The following H1-2 variants were observed in gnomAD, a reference collection of about 807,000 sequenced individuals.
The protein encoded by H1-2 is H1.2 linker histone, cluster member.
A neutral mutation model predicts 7.2 loss-of-function variants in H1-2; 7 were observed. The observed-to-expected ratio is 0.97, with a 90% CI of 0.55 to 1.82. The LOEUF (loss-of-function observed/expected upper bound fraction) is 1.82, where lower values mean the gene tolerates loss of function less well. Among genes scored for constraint, H1-2 ranks in the 40% most tolerant of loss-of-function variants. H1-2 has a pLI of 0.00. For missense variants in H1-2, 703 were observed against 276.6 expected, an observed-to-expected ratio of 2.54 and a Z score of -10.94; for synonymous variants, 300 against 118.2, an observed-to-expected ratio of 2.54 and a Z score of -9.98.
rs534420299 is a variant in H1-2, at chr6:26,055,925, C to T, written c.504G>A (p.Lys168=). The part of the protein sequence containing the change: ...AKKPAAATVT[K]KVAKSPKKAK... ...CCTTCTTTGGGCTCTTAGCCACTTT[C>T]TTGGTTACAGTGGCCGCGGCCGGCT... is the stretch of plus-strand genomic sequence containing the variant. Residue 168 remains lysine, a synonymous_variant, in exon 1 of 1, where the codon AAG becomes AAA. Transcript: ENST00000343677. 2 of 1,614,154 alleles carry T rather than the reference C, an allele frequency of 1.2e-6. No individual in the cohort carries two copies. The highest frequency in any genetic ancestry group is 2.2e-5 in the East Asian group (1 of 44,876).
At position 26,056,348 on chromosome 6, in the gene H1-2, C is replaced by CT. The variant is rs1761927645; in HGVS notation, c.80dup (p.Ala28GlyfsTer7). On this transcript the variant is annotated frameshift_variant, in exon 1 of 1. Coordinates refer to ENST00000343677, the MANE Select transcript of H1-2 (RefSeq NM_005319.4). LOFTEE classifies it high-confidence loss of function. ...ACGCCTTACGAGGCGTACCCCCAGC[C>CT]TTTTTGGCCGCCTTCTTCTTTACAG... The CT allele has an allele frequency of 6.2e-7, 1 of 1,613,644 alleles. No homozygotes were observed. Among genetic ancestry groups the CT allele is most frequent in the Non-Finnish European group, 8.5e-7 (1 of 1,179,806 alleles).
chr6:26,056,330 A>G lies in H1-2; in HGVS notation c.99T>C (p.Arg33=). 1 of 1,614,040 alleles carries G rather than the reference A, an allele frequency of 6.2e-7. No homozygotes were observed. Among genetic ancestry groups the G allele is most frequent in the Non-Finnish European group, 8.5e-7 (1 of 1,179,900 alleles). Reference sequence around the variant, plus strand: ...CTGACACCGGGGGACCAGACGCCTTACGAGGCGTACCCCCAGCCTTTTTGG... The same window carrying G: ...CTGACACCGGGGGACCAGACGCCTTGCGAGGCGTACCCCCAGCCTTTTTGG... The part of the protein sequence containing the change: ...KAAKKAGGTP[R]KASGPPVSEL... Residue 33 remains arginine, a synonymous_variant, in exon 1 of 1, where the codon CGT becomes CGC. Transcript: ENST00000343677.
rs770255220 is a variant in H1-2 at position 26,056,095 on chromosome 6, C to A, written c.334G>T (p.Ala112Ser). Residue 112 changes from alanine (A) to serine (S), a missense_variant, in exon 1 of 1, where the codon GCC (alanine) becomes TCC (serine). Transcript: ENST00000343677. ...ACCTTGGGCTTGGCTTCCCCGGAGG[C>A]TGCCTTCTTGTTGAGTTTAAAGGAG... ...SGSFKLNKKA[A>S]SGEAKPKVKK... The A allele has an allele frequency of 1.9e-6, 3 of 1,614,102 alleles. No homozygotes were observed. Among genetic ancestry groups the A allele is most frequent in the African/African-American group, 1.3e-5 (1 of 74,940 alleles).
At position 26,055,812 on chromosome 6, in the gene H1-2, T is replaced by C. The variant is rs368119411; in HGVS notation, c.617A>G (p.Lys206Arg). The change falls in exon 1 of 1, where the codon AAG (lysine) becomes AGG (arginine). Residue 206 changes from lysine to arginine, a missense_variant. Physicochemically the swap from Lys to Arg is conservative, Grantham distance 26. Coordinates refer to ENST00000343677, the MANE Select transcript of H1-2 (RefSeq NM_005319.4). ...KAAKPKVVKP[K>R]KAAPKKK ...CTATTTCTTCTTGGGCGCCGCCTTC[T>C]TAGGCTTGACAACCTTGGGCTTAGC... 3.1e-6 allele frequency: 5 copies of C among 1,601,046 alleles called. No homozygotes were observed. The African/African-American group carries it at 6.8e-5, about 22-fold the overall frequency.
chr6:26,055,822 C>T lies in H1-2; in HGVS notation c.607G>A (p.Val203Ile), dbSNP rs764601216. 5 of 1,604,416 alleles carry T rather than the reference C, an allele frequency of 3.1e-6. No individual in the cohort carries two copies. Among genetic ancestry groups the T allele is most frequent in the Admixed American group, 1.7e-5 (1 of 57,206 alleles). Residue 203 changes from valine to isoleucine, a missense_variant, in exon 1 of 1, where the codon GTC becomes ATC. Transcript: ENST00000343677. Reference sequence around the variant, plus strand: ...TTGGGCGCCGCCTTCTTAGGCTTGACAACCTTGGGCTTAGCGGCCTTGGGC... The same window carrying T: ...TTGGGCGCCGCCTTCTTAGGCTTGATAACCTTGGGCTTAGCGGCCTTGGGC... ...VKPKAAKPKV[V>I]KPKKAAPKKK
At position 26,056,132 on chromosome 6, in the gene H1-2, G is replaced by A. The variant is rs370480066; in HGVS notation, c.297C>T (p.Thr99=). ...TGAGTTTAAAGGAGCCAGAAGCACC[G>A]GTGCCTTTCGTTTGCACCAGAGTGC... The part of the protein sequence containing the change: ...SKGTLVQTKG[T]GASGSFKLNK... The change falls in exon 1 of 1, where the codon ACC becomes ACT. Residue 99 remains threonine (T), a synonymous_variant. Coordinates refer to ENST00000343677, the MANE Select transcript of H1-2 (RefSeq NM_005319.4). 8.3e-5 allele frequency: 134 copies of A among 1,614,106 alleles called. No individual in the cohort carries two copies. The highest frequency in any genetic ancestry group is 3.3e-5 in the Admixed American group (2 of 60,008).
chr6:26,056,215 C>G lies in H1-2; in HGVS notation c.214G>C (p.Asp72His). Residue 72 changes from aspartate to histidine, a missense_variant, in exon 1 of 1, where the codon GAT becomes CAT. Coordinates refer to ENST00000343677, the MANE Select transcript of H1-2 (RefSeq NM_005319.4). ...LKKALAAAGY[D>H]VEKNNSRIKL... is the part of the protein sequence containing the mutation. ...ATACGGCTGTTGTTTTTCTCCACAT[C>G]ATAGCCGGCGGCAGCCAACGCTTTT... 1 of 1,614,248 alleles carries G rather than the reference C, an allele frequency of 6.2e-7. No individual in the cohort carries two copies. The highest frequency in any genetic ancestry group is 8.5e-7 in the Non-Finnish European group (1 of 1,180,040).
At position 26,056,371 on chromosome 6, in the gene H1-2, C is replaced by T. The variant is rs1484542952; in HGVS notation, c.58G>A (p.Val20Ile). ...AAAPPAEKAPVKKKAAKKAGG... is the reference protein window; with the variant it reads ...AAAPPAEKAPIKKKAAKKAGG... ...GCCTTTTTGGCCGCCTTCTTCTTTA[C>T]AGGGGCCTTCTCCGCAGGAGGCGCG... The change falls in exon 1 of 1, where the codon GTA (valine) becomes ATA (isoleucine). Residue 20 changes from valine to isoleucine, a missense_variant. By Grantham distance (29) the Val-to-Ile change is conservative (BLOSUM62 3). Coordinates refer to ENST00000343677, the MANE Select transcript of H1-2 (RefSeq NM_005319.4). The T allele has an allele frequency of 6.8e-6, 11 of 1,611,482 alleles. No individual in the cohort carries two copies. Among genetic ancestry groups the T allele is most frequent in the African/African-American group, 2.7e-5 (2 of 74,652 alleles).
Position 26,056,275 on chromosome 6 carries a change from T to G in H1-2, c.154A>C (p.Lys52Gln). The change falls in exon 1 of 1, where the codon AAA becomes CAA. Residue 52 changes from lysine to glutamine, a missense_variant. Coordinates refer to ENST00000343677, the MANE Select transcript of H1-2 (RefSeq NM_005319.4). ...ELITKAVAAS[K>Q]ERSGVSLAAL... ...GCCAGAGAAACTCCGCTACGCTCTTTAGAGGCGGCCACAGCCTTGGTGATG... is the reference window on the plus strand; with the variant it reads ...GCCAGAGAAACTCCGCTACGCTCTTGAGAGGCGGCCACAGCCTTGGTGATG... The G allele has an allele frequency of 6.2e-7, 1 of 1,614,250 alleles. No individual in the cohort carries two copies.
rs757844131 is a variant in H1-2, at chr6:26,055,933, C to T, written c.496G>A (p.Val166Ile). 120 of 1,614,028 alleles carry T rather than the reference C, an allele frequency of 7.4e-5. No individual in the cohort carries two copies. In the South Asian group the frequency reaches 1.2e-3, roughly 16 times the overall value. Residue 166 changes from valine to isoleucine, a missense_variant, in exon 1 of 1, where the codon GTA (valine) becomes ATA (isoleucine). By Grantham distance (29) the Val-to-Ile change is conservative. Coordinates refer to ENST00000343677, the MANE Select transcript of H1-2 (RefSeq NM_005319.4). ...KKAKKPAAAT[V>I]TKKVAKSPKK... ...GGGCTCTTAGCCACTTTCTTGGTTA[C>T]AGTGGCCGCGGCCGGCTTCTTCGCT... is the stretch of plus-strand genomic sequence containing the variant.
rs778226952 is a variant in H1-2 at position 26,056,201 on chromosome 6, G to A, written c.228C>T (p.Asn76=). 1.2e-5 allele frequency: 19 copies of A among 1,614,102 alleles called. No homozygotes were observed. In the South Asian group the frequency reaches 1.2e-4, roughly 10 times the overall value. ...LAAAGYDVEK[N]NSRIKLGLKS... Reference sequence around the variant, plus strand: ...TGAGACCAAGTTTGATACGGCTGTTGTTTTTCTCCACATCATAGCCGGCGG... The same window carrying A: ...TGAGACCAAGTTTGATACGGCTGTTATTTTTCTCCACATCATAGCCGGCGG... The change falls in exon 1 of 1, where the codon AAC becomes AAT. Residue 76 remains asparagine, a synonymous_variant. Transcript: ENST00000343677.
chr6:26,056,245 G>T lies in H1-2; in HGVS notation c.184C>A (p.Leu62Met), dbSNP rs753090932. 8 of 1,614,204 alleles carry T rather than the reference G, an allele frequency of 5.0e-6. No individual in the cohort carries two copies. Among genetic ancestry groups the T allele is most frequent in the Admixed American group, 1.7e-5 (1 of 60,022 alleles). ...CCGGCGGCAGCCAACGCTTTTTTCA[G>T]AGCAGCCAGAGAAACTCCGCTACGC... is the stretch of plus-strand genomic sequence containing the variant. ...KERSGVSLAA[L>M]KKALAAAGYD... Residue 62 changes from leucine to methionine, a missense_variant, in exon 1 of 1, where the codon CTG (leucine) becomes ATG (methionine). Transcript: ENST00000343677.
chr6:26,056,339 A>T lies in H1-2; in HGVS notation c.90T>A (p.Gly30=), dbSNP rs777897533. 1 of 1,613,686 alleles carries T rather than the reference A, an allele frequency of 6.2e-7. No homozygotes were observed. Among genetic ancestry groups the T allele is most frequent in the Non-Finnish European group, 8.5e-7 (1 of 1,179,792 alleles). The change falls in exon 1 of 1, where the codon GGT becomes GGA. Residue 30 remains glycine, a synonymous_variant. Coordinates refer to ENST00000343677, the MANE Select transcript of H1-2 (RefSeq NM_005319.4). The stretch of plus-strand genomic sequence containing the variant: ...GGGGACCAGACGCCTTACGAGGCGT[A>T]CCCCCAGCCTTTTTGGCCGCCTTCT... ...VKKKAAKKAG[G]TPRKASGPPV...
rs781177240 is a variant in H1-2, at chr6:26,055,843, T to TC, written c.585_586insG (p.Lys196GlufsTer4). 2 of 1,613,670 alleles carry TC rather than the reference T, an allele frequency of 1.2e-6. No homozygotes were observed. The highest frequency in any genetic ancestry group is 2.2e-5 in the South Asian group (2 of 91,010). On this transcript the variant is annotated frameshift_variant, in exon 1 of 1. Transcript: ENST00000343677. LOFTEE classifies it high-confidence loss of function. Reference sequence around the variant, plus strand: ...TTGACAACCTTGGGCTTAGCGGCCTTGGGCTTCACAGCCTTAGCAGCACTT... The same window carrying TC: ...TTGACAACCTTGGGCTTAGCGGCCTTCGGGCTTCACAGCCTTAGCAGCACTT...
chr6:26,055,927 T>G lies in H1-2; in HGVS notation c.502A>C (p.Lys168Gln). 6.2e-7 allele frequency: 1 copy of G among 1,614,154 alleles called. No homozygotes were observed. The highest frequency in any genetic ancestry group is 8.5e-7 in the Non-Finnish European group (1 of 1,180,034). ...AKKPAAATVT[K>Q]KVAKSPKKAK... ...TTCTTTGGGCTCTTAGCCACTTTCT[T>G]GGTTACAGTGGCCGCGGCCGGCTTC... Residue 168 changes from lysine to glutamine, a missense_variant, in exon 1 of 1, where the codon AAG (lysine) becomes CAG (glutamine). Lys to Gln is a moderately conservative substitution (Grantham distance 53). Transcript: ENST00000343677.
In H1-2 at chr6:26,056,172, C is replaced by G; in HGVS notation, c.257G>C (p.Ser86Thr). Residue 86 changes from serine (S) to threonine (T), a missense_variant, in exon 1 of 1, where the codon AGC (serine) becomes ACC (threonine). Ser to Thr is a moderately conservative substitution (Grantham distance 58). Transcript: ENST00000343677. ...CACCAGAGTGCCCTTGCTCACCAGG[C>G]TCTTGAGACCAAGTTTGATACGGCT... ...NNSRIKLGLK[S>T]LVSKGTLVQT... is the part of the protein sequence containing the mutation. The G allele has an allele frequency of 2.5e-6, 4 of 1,614,246 alleles. No individual in the cohort carries two copies. Among genetic ancestry groups the G allele is most frequent in the African/African-American group, 2.7e-5 (2 of 75,072 alleles).
rs765747224 is a variant in H1-2, at chr6:26,056,069, A to G, written c.360T>C (p.Val120=). 1 of 1,614,012 alleles carries G rather than the reference A, an allele frequency of 6.2e-7. No individual in the cohort carries two copies. The highest frequency in any genetic ancestry group is 1.1e-5 in the South Asian group (1 of 91,070). ...TAGGTTTGGTTCCGCCCGCCTTTTT[A>G]ACCTTGGGCTTGGCTTCCCCGGAGG... ...KAASGEAKPK[V]KKAGGTKPKK... is the part of the protein sequence containing the mutation. Residue 120 remains valine, a synonymous_variant, in exon 1 of 1, where the codon GTT becomes GTC. Transcript: ENST00000343677.
Position 26,056,319 on chromosome 6 carries a change from C to G in H1-2, c.110G>C (p.Gly37Ala), listed in dbSNP as rs749161844. 7 of 1,614,086 alleles carry G rather than the reference C, an allele frequency of 4.3e-6. No homozygotes were observed. Among genetic ancestry groups the G allele is most frequent in the South Asian group, 1.1e-5 (1 of 91,086 alleles). The change falls in exon 1 of 1, where the codon GGT becomes GCT. Residue 37 changes from glycine (G) to alanine (A), a missense_variant. Gly to Ala is a moderately conservative substitution (Grantham distance 60). Coordinates refer to ENST00000343677, the MANE Select transcript of H1-2 (RefSeq NM_005319.4). ...KAGGTPRKAS[G>A]PPVSELITKA... ...GGTGATGAGCTCTGACACCGGGGGA[C>G]CAGACGCCTTACGAGGCGTACCCCC...
chr6:26,055,772 G>C lies in H1-2; in HGVS notation c.*15C>G, dbSNP rs538455060. On this transcript the variant is annotated 3_prime_UTR_variant, in exon 1 of 1. Transcript: ENST00000343677. ...TCTGAAAAGAGCCTTTTGGGTTTTA[G>C]AAGTAGGCGTTCGCCTATTTCTTCT... is the stretch of plus-strand genomic sequence containing the variant. 7.0e-6 allele frequency: 11 copies of C among 1,580,718 alleles called. No homozygotes were observed. The highest frequency in any genetic ancestry group is 1.2e-5 in the South Asian group (1 of 85,728).
Sources: gnomAD v4.1 joint callset for allele counts on GRCh38, gnomAD v4.1.1 for gene constraint, MANE v1.5 for transcripts, NCBI Gene and HGNC (gene_info 2026-07-23, HGNC 2026-07-21) for gene names.